The following MIGA1 variants were observed in gnomAD, a reference collection of about 807,000 sequenced individuals.
MIGA1 encodes family with sequence similarity 73, member A.
MIGA1 carries 58 observed loss-of-function variants against 82.0 expected under a neutral mutation model. That is an observed-to-expected ratio of 0.71 (90% CI 0.57 to 0.88). MIGA1 has a LOEUF of 0.88. Among genes scored for constraint, MIGA1 ranks in the 40% least tolerant of loss-of-function variants. The pLI, the probability that MIGA1 is intolerant of heterozygous loss-of-function variation, is 0.00. For synonymous variants in MIGA1, 249 were observed against 253.6 expected (o/e 0.98, Z 0.17); for missense variants, 751 against 749.1 (o/e 1.00, Z -0.03).
intron 7 of MIGA1, among the ~76,000 whole-genome samples, chr1:77,824,848 TTTA>T (rs1260202063): frequency 6.6e-6 from 1 of 152,206 alleles, no homozygotes; most frequent in Non-Finnish European, 1.5e-5. Context: ...TATTCTATAA[TTTA>T]TTGTTTGCCA....
intron 8 of MIGA1, among the ~76,000 whole-genome samples, chr1:77,845,135 T>C (rs563074598): frequency 6.6e-6 from 1 of 152,206 alleles, no homozygotes; most frequent in South Asian, 2.1e-4. Context: ...TTTTATCTTC[T>C]CAAGGTTTTT....
chr1:77,834,765 T>G (rs1684366524), intron 7 of MIGA1, among the ~76,000 whole-genome samples: 1 of 152,230 alleles, frequency 6.6e-6, no homozygotes, highest in Non-Finnish European at 1.5e-5. Context: ...TTAAACAAAT[T>G]ATAACAGACT....
chr1:77,809,919 A>G (rs1176952718), intron 5 of MIGA1, among the ~76,000 whole-genome samples: 1 of 151,696 alleles, frequency 6.6e-6, no homozygotes, highest in East Asian at 1.9e-4. Context: ...AAAATAGAAT[A>G]TCTTTCCAGA....
chr1:77,848,748 C>T (rs1570992927), intron 8 of MIGA1: 1 of 1,445,080 alleles, frequency 6.9e-7, no homozygotes, highest in Non-Finnish European at 9.7e-7. Flanking sequence ...GGTACTTGGC[C>T]AGGCAGATGG....
chr1:77,822,828 T>C (rs1683871387), intron 7 of MIGA1, among the ~76,000 whole-genome samples: 1 of 151,466 alleles, frequency 6.6e-6, no homozygotes, highest in African/African-American at 2.4e-5. Flanking sequence ...TTAAATCCTT[T>C]CAGCATGTTT....
chr1:77,872,782 C>T (rs566489368), intron 14 of MIGA1, among the ~76,000 whole-genome samples: 1 of 152,320 alleles, frequency 6.6e-6, no homozygotes, highest in Admixed American at 6.5e-5. Flanking sequence ...GTCATGAGCC[C>T]TGCACTATAG....
intron 14 of MIGA1, 119 bp from the exon 15 acceptor site, chr1:77,872,885 A>C: frequency 7.3e-7 from 1 of 1,378,004 alleles, no homozygotes; most frequent in East Asian, 2.3e-5. Context: ...TGGTTCTAAA[A>C]AACAAATTTT....
chr1:77,845,011 C>A (rs142837248), intron 8 of MIGA1, among the ~76,000 whole-genome samples: 109 of 152,262 alleles, frequency 7.2e-4, no homozygotes, highest in African/African-American at 2.5e-3. Flanking sequence ...TAGTATTACA[C>A]ATCTATAACT....
intron 7 of MIGA1, among the ~76,000 whole-genome samples, chr1:77,817,172 C>G (rs749659153): frequency 2.0e-5 from 3 of 151,912 alleles, no homozygotes; most frequent in Admixed American, 2.0e-4. Context: ...TGACTGGGTC[C>G]GTCTCTTATT....
At chr1:77,805,034 G>T (rs575387908) in intron 4 of MIGA1, among the ~76,000 whole-genome samples, 1 of 131,074 alleles carries the variant, frequency 7.6e-6, no homozygotes, top group Non-Finnish European at 1.6e-5. Context: ...TCACTCTGTC[G>T]CCCAGGCTGG....
At chr1:77,823,322 T>C (rs72685313) in intron 7 of MIGA1, among the ~76,000 whole-genome samples, 1,869 of 152,192 alleles carry the variant, frequency 0.012, 43 homozygotes, top group South Asian at 0.1. Context: ...TTGAAAAACA[T>C]ATAGTATGGT....
At chr1:77,847,784 C>T in intron 8 of MIGA1, 1 of 1,596,170 alleles carries the variant, frequency 6.3e-7, no homozygotes, top group Non-Finnish European at 8.6e-7. Flanking sequence ...CAAGGGGCTA[C>T]TCTGATGAAG....
At chr1:77,861,036 TTATCTTGGC>T (rs1219728315) in intron 11 of MIGA1, 179 bp from the exon 12 acceptor site, 1 of 494,844 alleles carries the variant, frequency 2.0e-6, no homozygotes, top group African/African-American at 2.0e-5. Flanking sequence ...CTGACATTCT[TTATCTTGGC>T]TTCTGCAAAA....
intron 12 of MIGA1, among the ~76,000 whole-genome samples, chr1:77,862,710 G>A (rs2101946589): frequency 6.6e-6 from 1 of 151,974 alleles, no homozygotes; most frequent in East Asian, 1.9e-4. Flanking sequence ...GGAGGCCGAG[G>A]CGGGCAGATC....
intron 7 of MIGA1, among the ~76,000 whole-genome samples, chr1:77,819,111 A>G (rs1344638875): frequency 6.6e-6 from 1 of 151,468 alleles, no homozygotes; most frequent in Non-Finnish European, 1.5e-5. Flanking sequence ...AAAGAAAATC[A>G]TCTCAATCCC....
At chr1:77,869,603 G>A (rs192335406) in intron 14 of MIGA1, among the ~76,000 whole-genome samples, 6 of 142,066 alleles carry the variant, frequency 4.2e-5, no homozygotes, top group Non-Finnish European at 7.8e-5. Flanking sequence ...CGGACGAGGC[G>A]GCTGGCCAGG....
intron 14 of MIGA1, among the ~76,000 whole-genome samples, chr1:77,869,052 C>T (rs1438487948): frequency 2.0e-5 from 3 of 151,198 alleles, no homozygotes; most frequent in Non-Finnish European, 4.4e-5. Context: ...AACAAGTGAA[C>T]AAAGGTCTCT....
intron 7 of MIGA1, among the ~76,000 whole-genome samples, chr1:77,838,323 A>G (rs921879713): frequency 1.3e-5 from 2 of 151,042 alleles, no homozygotes; most frequent in Non-Finnish European, 1.5e-5. Flanking sequence ...ATTACCTTTT[A>G]GCTTATTTAT....
chr1:77,861,513 A>T (rs1685452588), intron 12 of MIGA1, 191 bp downstream of exon 12: 1 of 502,368 alleles, frequency 2.0e-6, no homozygotes, highest in African/African-American at 2.0e-5. Context: ...TTGTTTTCTA[A>T]GAAGCCTTTT....
Sources: gnomAD v4.1 joint callset for allele counts (sites outside exome capture counted in the v4.1 genomes callset) on GRCh38, gnomAD v4.1.1 for gene constraint, MANE v1.5 for transcripts, NCBI Gene and HGNC (gene_info 2026-07-23, HGNC 2026-07-21) for gene names.